CSMD1: variants seen among roughly 807,000 people sequenced by gnomAD.
CSMD1 encodes the protein CUB and sushi domain-containing protein 1.
A neutral mutation model predicts 417.5 loss-of-function variants in CSMD1; 213 were observed. The observed-to-expected ratio is 0.51, with a 90% confidence interval of 0.46 to 0.57. The LOEUF is 0.57. CSMD1 is among the 20% of genes least tolerant of loss of function. The probability of loss-of-function intolerance (pLI) is 0.00; values close to 1 mark genes in which losing one functional copy is unlikely to be tolerated. For missense variants in CSMD1, 6,923 were observed against 4,529.7 expected, an observed-to-expected ratio of 1.53 and a Z score of -15.17; for synonymous variants, 2,862 against 1,736.8, an observed-to-expected ratio of 1.65 and a Z score of -16.11.
chr8:3,808,916 C>G (rs984205844), intron 5 of CSMD1, among the ~76,000 whole-genome samples: 1 of 152,100 alleles, frequency 6.6e-6, no homozygotes, highest in South Asian at 2.1e-4. Flanking sequence ...GTCAGGCAAG[C>G]CTCAATTCCG....
At chr8:3,053,964 G>C (rs762307261) in intron 49 of CSMD1, among the ~76,000 whole-genome samples, 12 of 152,182 alleles carry the variant, frequency 7.9e-5, no homozygotes, top group African/African-American at 2.9e-4. Context: ...TGTGTAACAA[G>C]ATAGAGCGGG....
chr8:3,725,963 A>G (rs1802470837), intron 6 of CSMD1, among the ~76,000 whole-genome samples: 1 of 152,144 alleles, frequency 6.6e-6, no homozygotes, highest in African/African-American at 2.4e-5. Flanking sequence ...AACAGAAAAA[A>G]CAGTGGAAGT....
intron 2 of CSMD1, among the ~76,000 whole-genome samples, chr8:4,480,235 G>C (rs904549144): frequency 2.0e-5 from 3 of 151,006 alleles, no homozygotes; most frequent in Non-Finnish European, 4.4e-5. Context: ...ACTGCTGTAA[G>C]GAAAAAGCAG....
chr8:4,416,808 G>T (rs997611242), intron 3 of CSMD1, among the ~76,000 whole-genome samples: 2 of 151,990 alleles, frequency 1.3e-5, no homozygotes, highest in Non-Finnish European at 2.9e-5. Context: ...TCAGCTTGAT[G>T]ACAAAGTAAT....
chr8:3,736,905 C>A (rs1300813123), intron 6 of CSMD1, among the ~76,000 whole-genome samples: 2 of 152,198 alleles, frequency 1.3e-5, no homozygotes, highest in East Asian at 3.9e-4. Context: ...GTGCATCCTA[C>A]TAGAACATTC....
chr8:4,605,601 A>G (rs141363405), intron 2 of CSMD1, among the ~76,000 whole-genome samples: 62 of 152,354 alleles, frequency 4.1e-4, no homozygotes, highest in African/African-American at 1.3e-3. Flanking sequence ...TGAATAGTCA[A>G]TAAAATCTAA....
At chr8:4,838,817 G>C (rs1399622383) in intron 1 of CSMD1, among the ~76,000 whole-genome samples, 1 of 152,120 alleles carries the variant, frequency 6.6e-6, no homozygotes, top group East Asian at 1.9e-4. Context: ...CCCAAACCAA[G>C]TGCTTCCATG....
intron 11 of CSMD1, among the ~76,000 whole-genome samples, chr8:3,471,592 C>T (rs558359846): frequency 3.1e-4 from 36 of 117,586 alleles, no homozygotes; most frequent in South Asian, 5.8e-4. Flanking sequence ...CCTTCCTTCC[C>T]TCCCTCCTTC....
chr8:3,222,751 T>C (rs1257847208), intron 28 of CSMD1, among the ~76,000 whole-genome samples: 2 of 152,182 alleles, frequency 1.3e-5, no homozygotes. Context: ...TTTTCTGTAA[T>C]AGCTGAGTAA....
intron 3 of CSMD1, among the ~76,000 whole-genome samples, chr8:4,128,389 T>A (rs372858472): frequency 2.0e-5 from 3 of 152,142 alleles, no homozygotes; most frequent in Non-Finnish European, 4.4e-5. Flanking sequence ...TACCTTCGAT[T>A]TGGAACTAAA....
rs145230356 is a variant in CSMD1 at position 4,413,603 on chromosome 8, C to T, written c.415+6350G>A. Among the ~76,000 whole-genome samples, 718 of 149,998 alleles carry T rather than the reference C, an allele frequency of 4.8e-3. 4 individuals are homozygous for T. The highest frequency in any genetic ancestry group is 8.2e-3 in the Non-Finnish European group (551 of 67,298). On this transcript the variant is annotated intron_variant, in intron 3 of 69. Coordinates refer to ENST00000635120, the MANE Select transcript of CSMD1 (RefSeq NM_033225.6). ...CAAGAACGCTTATTATGAGATCTAC[C>T]CTTATAACGAATATTCAGTTGCACA... is the stretch of plus-strand genomic sequence containing the variant.
intron 2 of CSMD1, among the ~76,000 whole-genome samples, chr8:4,438,584 A>G (rs2129652827): frequency 6.6e-6 from 1 of 152,264 alleles, no homozygotes. Flanking sequence ...GGAGCCCTGC[A>G]CAGTCACATT....
chr8:3,284,253 C>G lies in CSMD1; in HGVS notation c.4044G>C (p.Trp1348Cys), dbSNP rs149028484. The G allele has an allele frequency of 8.0e-4, 1,294 of 1,613,820 alleles. 3 individuals carry two copies. The highest frequency in any genetic ancestry group is 6.1e-3 in the Middle Eastern group (37 of 6,062). The change falls in exon 26 of 70, where the codon TGG becomes TGC. Residue 1348 changes from tryptophan (W) to cysteine (C), a missense_variant. Physicochemically the swap from Trp to Cys is radical, Grantham distance 215 (BLOSUM62 -2). Transcript: ENST00000635120. ...TGTCCTCCGGAAGGGCGGAGCCACT[C>G]CACTCCTTCAGCAGGATGTCACTGT... ...PVDSDILLKE[W>C]SGSALPEDIH... is the part of the protein sequence containing the mutation.
At position 4,954,838 on chromosome 8, in the gene CSMD1, T is replaced by C. The variant is rs139956292; in HGVS notation, c.85+39494A>G. Among the ~76,000 whole-genome samples, 85 of 152,346 alleles carry C rather than the reference T, an allele frequency of 5.6e-4. 1 individual carries two copies. The East Asian group carries it at 0.015, about 27-fold the overall frequency. On this transcript the variant is annotated intron_variant, in intron 1 of 69. Transcript: ENST00000635120. The stretch of plus-strand genomic sequence containing the variant: ...TCTCATTTTCTCTTACTTTTGCTTT[T>C]GGTGTTGACAAGATTACACATACTA...
Position 3,281,668 on chromosome 8 carries a change from T to C in CSMD1, c.4153+2476A>G, listed in dbSNP as rs182166479. ...CAGTGAAAAGAGTGATTGCTAGGAA[T>C]TAGGAGGAAGGAAGGGATGAACAGG... On this transcript the variant is annotated intron_variant, in intron 26 of 69. Coordinates refer to ENST00000635120, the MANE Select transcript of CSMD1 (RefSeq NM_033225.6). Among the ~76,000 whole-genome samples the C allele has an allele frequency of 2.8e-3, 421 of 152,066 alleles. 1 individual carries two copies. Among genetic ancestry groups the C allele is most frequent in the Non-Finnish European group, 5.0e-3 (341 of 67,976 alleles).
intron 26 of CSMD1, among the ~76,000 whole-genome samples, chr8:3,246,188 C>T (rs1030575211): frequency 6.6e-6 from 1 of 152,102 alleles, no homozygotes; most frequent in Non-Finnish European, 1.5e-5. Flanking sequence ...CCTGGATCTG[C>T]TGGTCCCGTG....
chr8:3,325,598 C>T (rs917185627), intron 23 of CSMD1, among the ~76,000 whole-genome samples: 4 of 152,126 alleles, frequency 2.6e-5, no homozygotes, highest in Non-Finnish European at 5.9e-5. Context: ...CCGAGGCGGG[C>T]AAATGGCCTG....
At chr8:3,995,876 A>G (rs893051377) in intron 5 of CSMD1, among the ~76,000 whole-genome samples, 9 of 152,208 alleles carry the variant, frequency 5.9e-5, no homozygotes, top group African/African-American at 2.2e-4. Context: ...CATAGTTCCC[A>G]CTGATAACTT....
intron 7 of CSMD1, among the ~76,000 whole-genome samples, chr8:3,668,639 G>C (rs966615585): frequency 2.6e-5 from 4 of 152,128 alleles, no homozygotes; most frequent in African/African-American, 7.2e-5. Context: ...ATCCTGAACA[G>C]AGTGTGCAAT....
Sources: allele counts gnomAD v4.1 joint callset (sites outside exome capture counted in the v4.1 genomes callset), GRCh38; gene constraint gnomAD v4.1.1; transcripts MANE v1.5; gene names NCBI Gene and HGNC (gene_info 2026-07-23, HGNC 2026-07-21).